The following PCBD2 variants were observed in gnomAD, a reference collection of about 807,000 sequenced individuals.
The protein encoded by PCBD2 is pterin-4 alpha-carbinolamine dehydratase 2, also known as pterin-4-alpha-carbinolamine dehydratase 2.
PCBD2 carries 12 observed loss-of-function variants against 16.4 expected under a neutral mutation model. The observed-to-expected ratio is 0.73, with a 90% CI of 0.47 to 1.19. The LOEUF is 1.19. Ranked by LOEUF, PCBD2 falls within the 50% of genes most tolerant of loss-of-function variation. The pLI, the probability that PCBD2 is intolerant of heterozygous loss-of-function variation, is 0.00. For synonymous variants in PCBD2, 58 were observed against 61.8 expected (o/e 0.94, Z 0.29); for missense variants, 138 against 156.8 (o/e 0.88, Z 0.64).
At chr5:134,917,098 T>A (rs1750842716) in intron 2 of PCBD2, among the ~76,000 whole-genome samples, 1 of 152,212 alleles carries the variant, frequency 6.6e-6, no homozygotes, top group South Asian at 2.1e-4. Context: ...CAGGTAGAAA[T>A]GTGGGTGTGA....
chr5:134,948,730 T>A (rs1409640685), intron 2 of PCBD2, among the ~76,000 whole-genome samples: 1 of 152,122 alleles, frequency 6.6e-6, no homozygotes, highest in Non-Finnish European at 1.5e-5. Flanking sequence ...TTTTTTTTTT[T>A]TTTTTAAAAG....
chr5:134,925,481 G>A (rs879958209), intron 2 of PCBD2: 2 of 398,534 alleles, frequency 5.0e-6, no homozygotes, highest in East Asian at 7.1e-5. Flanking sequence ...CAGATGTGCA[G>A]GAATGCTAGG....
At chr5:134,915,274 C>G (rs1255470494) in intron 2 of PCBD2, among the ~76,000 whole-genome samples, 3 of 151,886 alleles carry the variant, frequency 2.0e-5, no homozygotes, top group African/African-American at 7.2e-5. Flanking sequence ...GAGATCACAC[C>G]ATTTCACTCC....
intron 1 of PCBD2, among the ~76,000 whole-genome samples, chr5:134,905,850 C>T (rs1368229073): frequency 6.6e-6 from 1 of 152,164 alleles, no homozygotes; most frequent in Non-Finnish European, 1.5e-5. Context: ...ATTTTAACCG[C>T]CCATTTCAGT....
intron 2 of PCBD2, among the ~76,000 whole-genome samples, chr5:134,913,629 C>A (rs193251728): frequency 1.1e-4 from 16 of 152,184 alleles, no homozygotes; most frequent in African/African-American, 3.9e-4. Context: ...TGGCTGTGTT[C>A]TAAAAAATCA....
At position 134,936,894 on chromosome 5, in the gene PCBD2, G is replaced by A. The variant is rs149372159; in HGVS notation, c.217-22146G>A. ...TCAGAGATGAGTTAAATCCTAAAAT[G>A]ATCATTGAAGTGCACATTGCCAGAT... On this transcript the variant is annotated intron_variant, in intron 2 of 3. Transcript: ENST00000254908. Among the ~76,000 whole-genome samples the A allele has an allele frequency of 1.4e-3, 209 of 152,276 alleles. 3 individuals are homozygous for A. In the East Asian group the frequency reaches 0.036, roughly 27 times the overall value.
rs569100102 is a variant in PCBD2 at position 134,905,278 on chromosome 5, G to A, written c.84+55G>A. 96 of 1,210,632 alleles carry A rather than the reference G, an allele frequency of 7.9e-5. No homozygotes were observed. In the South Asian group the frequency reaches 2.0e-3, roughly 26 times the overall value. The allele number at this position is 1,210,632 out of a possible 1,614,324, so 75.0% of individuals were successfully genotyped here. ...GTCCGGGGTCGGGGGGCGGTGCGAG[G>A]CCCGGCGGCGTCGGCTGAGGGACCA... On this transcript the variant is annotated intron_variant, in intron 1 of 3. Transcript: ENST00000254908.
At chr5:134,930,896 C>T (rs1751084837) in intron 2 of PCBD2, among the ~76,000 whole-genome samples, 1 of 152,058 alleles carries the variant, frequency 6.6e-6, no homozygotes, top group South Asian at 2.1e-4. Flanking sequence ...ACCACTGGTC[C>T]AGCGTTCTTG....
intron 2 of PCBD2, among the ~76,000 whole-genome samples, chr5:134,947,861 G>A (rs1580892605): frequency 6.7e-6 from 1 of 149,944 alleles, no homozygotes. Flanking sequence ...TAAAAGGATT[G>A]CTAAAACAAA....
intron 2 of PCBD2, among the ~76,000 whole-genome samples, chr5:134,950,720 T>C (rs1389431717): frequency 6.6e-6 from 1 of 152,164 alleles, no homozygotes; most frequent in African/African-American, 2.4e-5. Context: ...AATGGTAGAG[T>C]AACTTAAAAA....
chr5:134,919,345 G>A (rs1304767373), intron 2 of PCBD2, among the ~76,000 whole-genome samples: 1 of 152,138 alleles, frequency 6.6e-6, no homozygotes. Flanking sequence ...GCTTTTCACA[G>A]ATAATGTACA....
chr5:134,905,207 T>G lies in PCBD2; in HGVS notation c.68T>G (p.Leu23Arg), dbSNP rs1482363387. 2 of 1,223,166 alleles carry G rather than the reference T, an allele frequency of 1.6e-6. No individual in the cohort carries two copies. The highest frequency in any genetic ancestry group is 3.2e-5 in the African/African-American group (2 of 63,432). The allele number at this position is 1,223,166 out of a possible 1,614,324, so 75.8% of individuals were successfully genotyped here. Reference sequence around the variant, plus strand: ...TTGGCGGCGCTGCGAGGCCAGAGCCTAGGGCTAGCGGCCATGGTGAGTGCA... The same window carrying G: ...TTGGCGGCGCTGCGAGGCCAGAGCCGAGGGCTAGCGGCCATGGTGAGTGCA... ...RLLAALRGQSLGLAAMSSGTH... is the reference protein window; with the variant it reads ...RLLAALRGQSRGLAAMSSGTH... The change falls in exon 1 of 4, where the codon CTA becomes CGA. Residue 23 changes from leucine to arginine, a missense_variant. Leu to Arg is a moderately radical substitution (Grantham distance 102, BLOSUM62 -2). Transcript: ENST00000254908.
At chr5:134,910,304 T>G in intron 1 of PCBD2, 31 bp from the exon 2 acceptor site, 1 of 1,603,574 alleles carries the variant, frequency 6.2e-7, no homozygotes, top group Non-Finnish European at 8.5e-7. Flanking sequence ...AACTTGTACA[T>G]TTTCAGATAT....
chr5:134,906,194 A>ATTTTTTTTTTTTTTTTTTTTTT (rs1158334317), intron 1 of PCBD2, among the ~76,000 whole-genome samples: 4 of 66,522 alleles, frequency 6.0e-5, no homozygotes, highest in African/African-American at 2.0e-4. Flanking sequence ...TAATAGAAGA[A>ATTTTTTTTTTTTTTTTTTTTTT]TTTTTTTTTT....
rs1751479448 is a variant in PCBD2, at chr5:134,961,723, C to T, written c.*1042C>T. Among the ~76,000 whole-genome samples, 1 of 152,066 alleles carries T rather than the reference C, an allele frequency of 6.6e-6. No individual in the cohort carries two copies. The highest frequency in any genetic ancestry group is 1.5e-5 in the Non-Finnish European group (1 of 68,012). ...TAAGGTGGAAAAAGAATTAGGAACT[C>T]GACAGATAGTGAGTTTTAACTTTAA... On this transcript the variant is annotated 3_prime_UTR_variant, in exon 4 of 4. Transcript: ENST00000254908.
At chr5:134,924,303 G>T (rs1750954887) in intron 2 of PCBD2, 1 of 395,212 alleles carries the variant, frequency 2.5e-6, no homozygotes, top group Non-Finnish European at 4.5e-6. Flanking sequence ...AATTTATTTG[G>T]GGGGAATGAT....
At chr5:134,941,671 G>A (rs181868621) in intron 2 of PCBD2, among the ~76,000 whole-genome samples, 15 of 152,078 alleles carry the variant, frequency 9.9e-5, no homozygotes, top group East Asian at 5.8e-4. Flanking sequence ...AGAATGAGTC[G>A]GATGTTTTAA....
At chr5:134,935,077 G>A (rs1259749725) in intron 2 of PCBD2, among the ~76,000 whole-genome samples, 5 of 152,154 alleles carry the variant, frequency 3.3e-5, no homozygotes, top group African/African-American at 1.2e-4. Flanking sequence ...CATTAAGATC[G>A]GAAACCAACC....
chr5:134,923,950 C>T (rs967193675), intron 2 of PCBD2: 26 of 393,944 alleles, frequency 6.6e-5, no homozygotes, highest in African/African-American at 4.3e-4. Context: ...AGAAGTGAGC[C>T]GAAGTTTCAT....
Sources: allele counts gnomAD v4.1 joint callset (sites outside exome capture counted in the v4.1 genomes callset), GRCh38; gene constraint gnomAD v4.1.1; transcripts MANE v1.5; gene names NCBI Gene and HGNC (gene_info 2026-07-23, HGNC 2026-07-21).